The following ATRNL1 variants were observed in gnomAD, a reference collection of about 807,000 sequenced individuals.
The protein encoded by ATRNL1 is attractin like 1, also known as attractin-like protein 1.
ATRNL1 carries 95 observed loss-of-function variants against 182.7 expected under a neutral mutation model. That is an observed-to-expected ratio of 0.52 (90% CI 0.44 to 0.62). The LOEUF is 0.62. ATRNL1 is among the 20% of genes least tolerant of loss of function. The pLI is 0.00. For synonymous variants in ATRNL1, 576 were observed against 568.3 expected (o/e 1.01, Z -0.19); for missense variants, 1,471 against 1,679.5 (o/e 0.88, Z 2.17).
intron 25 of ATRNL1, among the ~76,000 whole-genome samples, chr10:115,532,551 T>C (rs1366162147): frequency 5.9e-5 from 9 of 151,830 alleles, no homozygotes; most frequent in Admixed American, 2.0e-4. Context: ...TTTCTAGATA[T>C]ACAATCATGT....
intron 27 of ATRNL1, among the ~76,000 whole-genome samples, chr10:115,761,305 T>C (rs2134145189): frequency 6.6e-6 from 1 of 152,282 alleles, no homozygotes; most frequent in South Asian, 2.1e-4. Context: ...TGGGCACCCT[T>C]TGTCATCTCC....
intron 26 of ATRNL1, among the ~76,000 whole-genome samples, chr10:115,694,500 AACAG>A (rs1555049152): frequency 0.012 from 1,757 of 152,208 alleles, 33 homozygotes; most frequent in African/African-American, 0.04. Context: ...TCATAATGTA[AACAG>A]CTATGCAAAG....
At chr10:115,369,324 G>T (rs545409490) in intron 19 of ATRNL1, among the ~76,000 whole-genome samples, 1 of 150,250 alleles carries the variant, frequency 6.7e-6, no homozygotes, top group South Asian at 2.1e-4. Flanking sequence ...GGGGTTCCAT[G>T]AGGGGATGGG....
chr10:115,122,076 T>G (rs989351043), intron 3 of ATRNL1, among the ~76,000 whole-genome samples: 4 of 152,036 alleles, frequency 2.6e-5, no homozygotes, highest in African/African-American at 4.8e-5. Context: ...GTTTATTCTT[T>G]TAAAGTGCCT....
At chr10:115,713,112 C>G (rs1367644377) in intron 26 of ATRNL1, among the ~76,000 whole-genome samples, 3 of 151,940 alleles carry the variant, frequency 2.0e-5, no homozygotes, top group Non-Finnish European at 4.4e-5. Context: ...CTTTACTTCC[C>G]AGGAAGTATT....
intron 15 of ATRNL1, among the ~76,000 whole-genome samples, chr10:115,292,298 A>G (rs1852954986): frequency 6.6e-6 from 1 of 151,820 alleles, no homozygotes; most frequent in Non-Finnish European, 1.5e-5. Context: ...TTTGAACAAG[A>G]CCAACATTTT....
At chr10:115,326,622 CCA>C in intron 18 of ATRNL1, among the ~76,000 whole-genome samples, 1 of 151,950 alleles carries the variant, frequency 6.6e-6, no homozygotes, top group Middle Eastern at 3.4e-3. Flanking sequence ...GCCCACATCG[CCA>C]AGTCAATCCT....
chr10:115,395,399 C>A (rs1205915488), intron 20 of ATRNL1, among the ~76,000 whole-genome samples: 2 of 151,794 alleles, frequency 1.3e-5, no homozygotes, highest in African/African-American at 4.8e-5. Flanking sequence ...AAAAATTAAA[C>A]CTTTTAAAGA....
At chr10:115,672,485 A>G (rs1945728240) in intron 26 of ATRNL1, among the ~76,000 whole-genome samples, 1 of 152,116 alleles carries the variant, frequency 6.6e-6, no homozygotes, top group Non-Finnish European at 1.5e-5. Context: ...AGAACATAAT[A>G]TATAAAAAAA....
Position 115,111,635 on chromosome 10 carries a change from A to G in ATRNL1, c.294-8550A>G, listed in dbSNP as rs797024941. Among the ~76,000 whole-genome samples the G allele has an allele frequency of 3.9e-5, 6 of 152,126 alleles. No individual in the cohort carries two copies. The South Asian group carries it at 1.2e-3, about 32-fold the overall frequency. ...ACTCTTTACTGTGAGGATGGCCCCA[A>G]GCCATTCATGAGGGATCTGCCTCCA... is the stretch of plus-strand genomic sequence containing the variant. On this transcript the variant is annotated intron_variant, in intron 1 of 28. Transcript: ENST00000355044.
At chr10:115,498,134 A>G (rs1470310267) in intron 24 of ATRNL1, among the ~76,000 whole-genome samples, 1 of 152,188 alleles carries the variant, frequency 6.6e-6, no homozygotes, top group Admixed American at 6.5e-5. Flanking sequence ...TAAATATAGT[A>G]ATTACCCATG....
intron 5 of ATRNL1, among the ~76,000 whole-genome samples, chr10:115,132,079 C>G (rs1007432776): frequency 6.7e-6 from 1 of 149,558 alleles, no homozygotes; most frequent in African/African-American, 2.5e-5. Flanking sequence ...ATCCCTCCCC[C>G]CTCCCCACAC....
At chr10:115,194,973 A>C (rs1347538647) in intron 8 of ATRNL1, among the ~76,000 whole-genome samples, 5 of 152,012 alleles carry the variant, frequency 3.3e-5, no homozygotes, top group Non-Finnish European at 7.4e-5. Flanking sequence ...AAAACAAATA[A>C]GCAAATAAAA....
intron 26 of ATRNL1, among the ~76,000 whole-genome samples, chr10:115,614,936 T>G (rs1383736858): frequency 1.3e-5 from 2 of 152,186 alleles, no homozygotes; most frequent in African/African-American, 4.8e-5. Context: ...GAGTTTCTTA[T>G]AGCCATAATA....
intron 9 of ATRNL1, among the ~76,000 whole-genome samples, chr10:115,229,305 T>G (rs1360695614): frequency 2.0e-5 from 3 of 152,158 alleles, no homozygotes; most frequent in Non-Finnish European, 2.9e-5. Flanking sequence ...TTATTTTTTT[T>G]TGTGATTTCT....
intron 20 of ATRNL1, among the ~76,000 whole-genome samples, chr10:115,403,639 G>A (rs1402838386): frequency 6.6e-6 from 1 of 152,100 alleles, no homozygotes; most frequent in African/African-American, 2.4e-5. Flanking sequence ...ATTTTTATGA[G>A]AGATGGGGTT....
intron 8 of ATRNL1, among the ~76,000 whole-genome samples, chr10:115,190,612 G>A (rs2144230906): frequency 6.6e-6 from 1 of 152,048 alleles, no homozygotes; most frequent in South Asian, 2.1e-4. Context: ...ATGTTTATGA[G>A]ATACATGTGA....
chr10:115,655,127 G>C (rs1555035432), intron 26 of ATRNL1, among the ~76,000 whole-genome samples: 1 of 152,150 alleles, frequency 6.6e-6, no homozygotes, highest in Non-Finnish European at 1.5e-5. Context: ...GGATTTCCCA[G>C]TCCTAATTTC....
intron 27 of ATRNL1, among the ~76,000 whole-genome samples, chr10:115,752,423 A>C (rs1948473834): frequency 6.6e-6 from 1 of 152,080 alleles, no homozygotes; most frequent in Non-Finnish European, 1.5e-5. Context: ...AGTAGGGTTC[A>C]GTGATTTTTA....
Sources: allele counts gnomAD v4.1 joint callset (sites outside exome capture counted in the v4.1 genomes callset), GRCh38; gene constraint gnomAD v4.1.1; transcripts MANE v1.5; gene names NCBI Gene and HGNC (gene_info 2026-07-23, HGNC 2026-07-21).